Variants in NUFIP1 observed in about 807,000 individuals in gnomAD.
NUFIP1 encodes FMR1-interacting protein NUFIP1.
In NUFIP1, 38 loss-of-function variants were observed where a neutral mutation model predicts 56.2. The ratio of observed to expected loss-of-function variants is 0.68; its 90% CI spans 0.52 to 0.89. The LOEUF (loss-of-function observed/expected upper bound fraction) is 0.89, where lower values mean the gene tolerates loss of function less well. NUFIP1 is among the 40% of genes least tolerant of loss of function. NUFIP1 has a pLI of 0.00. For synonymous variants in NUFIP1, 215 were observed against 212.4 expected (o/e 1.01, Z -0.10); for missense variants, 567 against 605.8 (o/e 0.94, Z 0.67).
At chr13:44,948,129 A>T (rs1870956298) in intron 8 of NUFIP1, among the ~76,000 whole-genome samples, 1 of 151,004 alleles carries the variant, frequency 6.6e-6, no homozygotes, top group Non-Finnish European at 1.5e-5. Flanking sequence ...CATCTCCATC[A>T]AACTACATTT....
In NUFIP1 at chr13:44,973,630, A is replaced by G. The variant is rs79914958; in HGVS notation, c.734+5560T>C. Among the ~76,000 whole-genome samples, 1,435 of 152,348 alleles carry G rather than the reference A, an allele frequency of 9.4e-3. 116 individuals carry two copies. In the East Asian group the frequency reaches 0.2, roughly 21 times the overall value. ...TCAAGAATAAAAGACACATATGCAA[A>G]GAAGTTCACCAACAGGGTCATAATA... On this transcript the variant is annotated intron_variant, in intron 5 of 9. Transcript: ENST00000379161.
chr13:44,962,038 G>A (rs1286117776), intron 6 of NUFIP1, among the ~76,000 whole-genome samples: 1 of 151,904 alleles, frequency 6.6e-6, no homozygotes, highest in African/African-American at 2.4e-5. Context: ...AGTTACAAAA[G>A]GCATAATGTA....
chr13:44,988,091 T>C (rs773197544), intron 1 of NUFIP1, among the ~76,000 whole-genome samples: 3 of 152,234 alleles, frequency 2.0e-5, no homozygotes, highest in Admixed American at 6.5e-5. Flanking sequence ...TTCGCTCATA[T>C]GTCACCTTCC....
intron 5 of NUFIP1, among the ~76,000 whole-genome samples, chr13:44,972,691 A>G (rs1178625211): frequency 6.6e-6 from 1 of 152,200 alleles, no homozygotes. Flanking sequence ...AGTCTTGAAA[A>G]ACAAATAGAC....
At position 44,940,759 on chromosome 13, in the gene NUFIP1, T is replaced by A. The variant is rs1431522667; in HGVS notation, c.*447A>T. On this transcript the variant is annotated 3_prime_UTR_variant, in exon 10 of 10. Coordinates refer to ENST00000379161, the MANE Select transcript of NUFIP1 (RefSeq NM_012345.3). ...ATTGTATTAATTTGATCTGGTTTAT[T>A]TTTAAAATATTCCCCCTTGCTACAG... 1 of 152,810 alleles carries A rather than the reference T, an allele frequency of 6.5e-6. No individual in the cohort carries two copies. Among genetic ancestry groups the A allele is most frequent in the Non-Finnish European group, 1.5e-5 (1 of 68,426 alleles). 9.5% of individuals were successfully genotyped at this position (152,810 alleles called of 1,614,324 possible). A position where few individuals can be genotyped will look rare whatever the true frequency, so the allele number is the denominator to read the frequency against.
At chr13:44,958,723 T>C (rs1020774824) in intron 7 of NUFIP1, among the ~76,000 whole-genome samples, 3 of 152,224 alleles carry the variant, frequency 2.0e-5, no homozygotes, top group African/African-American at 4.8e-5. Flanking sequence ...CTCACAATGT[T>C]ACTGGAGAAA....
At chr13:44,955,527 C>T (rs757140069) in intron 7 of NUFIP1, among the ~76,000 whole-genome samples, 3 of 152,180 alleles carry the variant, frequency 2.0e-5, no homozygotes, top group Non-Finnish European at 4.4e-5. Flanking sequence ...ATAGGGAGAG[C>T]TTTATTATTA....
intron 7 of NUFIP1, among the ~76,000 whole-genome samples, chr13:44,951,235 G>C (rs1871076004): frequency 6.6e-6 from 1 of 152,122 alleles, no homozygotes; most frequent in Admixed American, 6.5e-5. Flanking sequence ...CCATTCATTG[G>C]CTGAATGATG....
At chr13:44,949,100 G>A (rs1266608686) in intron 8 of NUFIP1, among the ~76,000 whole-genome samples, 1 of 151,758 alleles carries the variant, frequency 6.6e-6, no homozygotes, top group Non-Finnish European at 1.5e-5. Context: ...TCAGAGCAGA[G>A]AGAAAAAAAT....
chr13:44,943,502 A>G lies in NUFIP1; in HGVS notation c.1311T>C (p.Asp437=). The change falls in exon 9 of 10, where the codon GAT becomes GAC. Residue 437 remains aspartate, a synonymous_variant. Coordinates refer to ENST00000379161, the MANE Select transcript of NUFIP1 (RefSeq NM_012345.3). ...FEKTNPKRKK[D]YHNYQTLFEP... ...CGAATAACGTTTGATAGTTGTGATAATCTTTTTTCCTCTTAGGGTTTGTTT... is the reference window on the plus strand; with the variant it reads ...CGAATAACGTTTGATAGTTGTGATAGTCTTTTTTCCTCTTAGGGTTTGTTT... 1 of 1,614,128 alleles carries G rather than the reference A, an allele frequency of 6.2e-7. No individual in the cohort carries two copies. The highest frequency in any genetic ancestry group is 1.1e-5 in the South Asian group (1 of 91,082).
At chr13:44,985,967 G>A (rs1467883462) in intron 1 of NUFIP1, among the ~76,000 whole-genome samples, 1 of 152,186 alleles carries the variant, frequency 6.6e-6, no homozygotes, top group Non-Finnish European at 1.5e-5. Context: ...AGTTGTGAAT[G>A]CAACTACTGA....
chr13:44,979,924 G>A lies in NUFIP1; in HGVS notation c.623C>T (p.Ala208Val). 6.2e-7 allele frequency: 1 copy of A among 1,603,480 alleles called. No homozygotes were observed. The highest frequency in any genetic ancestry group is 8.5e-7 in the Non-Finnish European group (1 of 1,176,916). The part of the protein sequence containing the change: ...KCPELDCSFT[A>V]HEKIVQFHWR... ...ATGGAACTGGACAATCTTCTCGTGT[G>A]CAGTAAAAGAGCAATCTAATTCAGG... The change falls in exon 4 of 10, where the codon GCA becomes GTA. Residue 208 changes from alanine (A) to valine (V), a missense_variant. Physicochemically the swap from Ala to Val is moderately conservative, Grantham distance 64. Transcript: ENST00000379161.
intron 6 of NUFIP1, among the ~76,000 whole-genome samples, chr13:44,965,007 A>G (rs966406279): frequency 5.3e-5 from 8 of 152,198 alleles, no homozygotes; most frequent in African/African-American, 1.9e-4. Flanking sequence ...ACAGCACCTG[A>G]TGTGGTTTGG....
intron 9 of NUFIP1, 54 bp from the exon 10 acceptor site, chr13:44,941,376 T>TA: frequency 9.6e-7 from 1 of 1,041,248 alleles, no homozygotes; most frequent in East Asian, 2.4e-5. Context: ...ATCTGGGAAA[T>TA]ACAATCTAAA....
At chr13:44,944,850 T>G (rs985053709) in intron 8 of NUFIP1, among the ~76,000 whole-genome samples, 2 of 152,042 alleles carry the variant, frequency 1.3e-5, no homozygotes. Flanking sequence ...GGAAATATTT[T>G]GAAATAAATA....
chr13:44,941,352 A>G (rs765660863), intron 9 of NUFIP1, 30 bp from the exon 10 acceptor site: 1 of 1,326,886 alleles, frequency 7.5e-7, no homozygotes, highest in East Asian at 2.3e-5. Context: ...AAGATGAGGT[A>G]GTAAATAAAT....
intron 5 of NUFIP1, among the ~76,000 whole-genome samples, chr13:44,969,140 T>C (rs993962061): frequency 6.6e-6 from 1 of 152,186 alleles, no homozygotes; most frequent in Non-Finnish European, 1.5e-5. Flanking sequence ...TTCTTGGTGC[T>C]GAAATCAATA....
At chr13:44,959,330 A>C (rs1428851097) in intron 7 of NUFIP1, 51 bp downstream of exon 7, 1 of 1,498,382 alleles carries the variant, frequency 6.7e-7, no homozygotes, top group African/African-American at 1.4e-5. Flanking sequence ...AATCAACTTC[A>C]GCATCATTGT....
intron 5 of NUFIP1, among the ~76,000 whole-genome samples, chr13:44,969,188 C>G (rs1271500356): frequency 6.6e-6 from 1 of 152,058 alleles, no homozygotes; most frequent in Non-Finnish European, 1.5e-5. Context: ...CTTATTTACA[C>G]AGAATCCAGA....
Sources: gnomAD v4.1 joint callset for allele counts (sites outside exome capture counted in the v4.1 genomes callset) on GRCh38, gnomAD v4.1.1 for gene constraint, MANE v1.5 for transcripts, NCBI Gene and HGNC (gene_info 2026-07-23, HGNC 2026-07-21) for gene names.